RCAN2: variants seen among roughly 807,000 people sequenced by gnomAD.
RCAN2 encodes regulator of calcineurin 2, also known as calcipressin-2.
Under a neutral mutation model 23.6 loss-of-function variants are expected in RCAN2, and 9 were observed. The ratio of observed to expected loss-of-function variants is 0.38; its 90% confidence interval spans 0.23 to 0.67. RCAN2 has a LOEUF of 0.67. RCAN2 is among the 30% of genes least tolerant of loss of function. The probability of loss-of-function intolerance (pLI) is 0.51; values close to 1 mark genes in which losing one functional copy is unlikely to be tolerated. For missense variants in RCAN2, 273 were observed against 302.3 expected (o/e 0.90, Z 0.72); for synonymous variants, 109 against 115.7 (o/e 0.94, Z 0.37).
At chr6:46,394,201 A>G (rs907205137) in intron 2 of RCAN2, among the ~76,000 whole-genome samples, 6 of 152,186 alleles carry the variant, frequency 3.9e-5, no homozygotes, top group Non-Finnish European at 7.3e-5. Flanking sequence ...ATTAACAGTG[A>G]TCAGATTTAA....
chr6:46,373,219 A>G (rs1373188755), intron 2 of RCAN2, among the ~76,000 whole-genome samples: 1 of 152,200 alleles, frequency 6.6e-6, no homozygotes, highest in African/African-American at 2.4e-5. Context: ...GTCAAGAAAC[A>G]TAAATGTGAG....
intron 1 of RCAN2, among the ~76,000 whole-genome samples, chr6:46,462,980 A>G (rs1010746968): frequency 3.3e-5 from 5 of 152,238 alleles, no homozygotes; most frequent in Admixed American, 1.3e-4. Flanking sequence ...AAATAAGTCC[A>G]TGAGAACAAC....
chr6:46,245,523 G>A (rs1159894246), intron 4 of RCAN2, among the ~76,000 whole-genome samples: 1 of 152,094 alleles, frequency 6.6e-6, no homozygotes, highest in Non-Finnish European at 1.5e-5. Context: ...GGGTTCTCAG[G>A]TTTTGGCGTA....
chr6:46,338,673 C>G (rs1465834152), intron 2 of RCAN2, among the ~76,000 whole-genome samples: 1 of 152,130 alleles, frequency 6.6e-6, no homozygotes, highest in Non-Finnish European at 1.5e-5. Flanking sequence ...TGAACTAGTT[C>G]TGTGAATTAT....
intron 1 of RCAN2, among the ~76,000 whole-genome samples, chr6:46,489,624 T>C (rs1769085590): frequency 6.6e-6 from 1 of 152,260 alleles, no homozygotes; most frequent in South Asian, 2.1e-4. Context: ...CTTCTGTCTG[T>C]TACACGTTCA....
chr6:46,407,363 G>C (rs1336930578), intron 2 of RCAN2, among the ~76,000 whole-genome samples: 2 of 152,128 alleles, frequency 1.3e-5, no homozygotes, highest in African/African-American at 2.4e-5. Flanking sequence ...CTCATACAAA[G>C]ATCTTAGCAA....
Position 46,285,027 on chromosome 6 carries a change from T to C in RCAN2, c.226-36131A>G, listed in dbSNP as rs150261089. On this transcript the variant is annotated intron_variant, in intron 2 of 4. Transcript: ENST00000371374. ...AGCATTTGATTATACACTATCTATATATACCATCTATTTGTTGATCTATAC... is the reference window on the plus strand; with the variant it reads ...AGCATTTGATTATACACTATCTATACATACCATCTATTTGTTGATCTATAC... 1.9e-3 allele frequency among the ~76,000 whole-genome samples: 286 copies of C among 152,350 alleles called. 4 individuals are homozygous for C. Among genetic ancestry groups the C allele is most frequent in the Admixed American group, 0.016 (246 of 15,304 alleles).
chr6:46,455,486 G>A (rs1294551919), intron 2 of RCAN2, among the ~76,000 whole-genome samples: 1 of 151,912 alleles, frequency 6.6e-6, no homozygotes, highest in African/African-American at 2.4e-5. Context: ...TGGGCAGAAA[G>A]AGCTAAAGTC....
intron 2 of RCAN2, among the ~76,000 whole-genome samples, chr6:46,249,672 A>G (rs9463190): frequency 0.019 from 2,967 of 152,240 alleles, 96 homozygotes; most frequent in African/African-American, 0.068. Context: ...CACTCCATCC[A>G]GTTTCCTAGT....
chr6:46,471,713 G>C (rs547299170), intron 1 of RCAN2, among the ~76,000 whole-genome samples: 1 of 152,296 alleles, frequency 6.6e-6, no homozygotes, highest in East Asian at 1.9e-4. Context: ...GTCTGAATGA[G>C]TGAGTTTAGT....
intron 2 of RCAN2, among the ~76,000 whole-genome samples, chr6:46,393,491 G>A (rs1486723295): frequency 6.6e-6 from 1 of 152,126 alleles, no homozygotes; most frequent in African/African-American, 2.4e-5. Context: ...GGGAAACGGT[G>A]GGATGAGGGG....
chr6:46,328,812 T>C (rs570643717), intron 2 of RCAN2, among the ~76,000 whole-genome samples: 3 of 152,224 alleles, frequency 2.0e-5, no homozygotes, highest in African/African-American at 7.2e-5. Flanking sequence ...GGTTTCACCA[T>C]GTTGGCCAGG....
At chr6:46,457,063 G>A in intron 1 of RCAN2, 85 bp from the exon 2 acceptor site, 2 of 875,142 alleles carry the variant, frequency 2.3e-6, no homozygotes, top group Non-Finnish European at 3.6e-6. Context: ...TATTGTCAGG[G>A]GCAGAACAGT....
At chr6:46,400,810 T>C (rs1428793582) in intron 2 of RCAN2, among the ~76,000 whole-genome samples, 1 of 152,216 alleles carries the variant, frequency 6.6e-6, no homozygotes, top group East Asian at 1.9e-4. Context: ...CTAACATTTG[T>C]AAGAAAAGAA....
rs73453097 is a variant in RCAN2, at chr6:46,394,796, A to C, written c.225+61956T>G. On this transcript the variant is annotated intron_variant, in intron 2 of 4. Transcript: ENST00000371374. The stretch of plus-strand genomic sequence containing the variant: ...GTATGGGAATCAAGGCAAAGAAAGA[A>C]GACCAATACACAGGCTATTGAAATA... Among the ~76,000 whole-genome samples the C allele has an allele frequency of 3.1e-3, 465 of 152,336 alleles. 4 individuals are homozygous for C. Among genetic ancestry groups the C allele is most frequent in the African/African-American group, 0.011 (452 of 41,570 alleles).
chr6:46,240,905 G>C (rs1766282289), intron 4 of RCAN2, among the ~76,000 whole-genome samples: 1 of 152,156 alleles, frequency 6.6e-6, no homozygotes, highest in African/African-American at 2.4e-5. Flanking sequence ...GCAGACACAT[G>C]CAACTTGAAA....
At chr6:46,272,328 G>T (rs368425200) in intron 2 of RCAN2, among the ~76,000 whole-genome samples, 1 of 152,144 alleles carries the variant, frequency 6.6e-6, no homozygotes, top group Admixed American at 6.5e-5. Flanking sequence ...ACCTTCAGCC[G>T]AGTGAAACCG....
rs542186200 is a variant in RCAN2, at chr6:46,467,842, C to T, written c.-2-10864G>A. 3.9e-5 allele frequency among the ~76,000 whole-genome samples: 6 copies of T among 152,314 alleles called. No individual in the cohort carries two copies. The East Asian group carries it at 5.8e-4, about 15-fold the overall frequency. ...CTCTTCGGAAGAGACTGTACCTCCA[C>T]AGTGAAAAAATGCAAGAACACTGAA... is the stretch of plus-strand genomic sequence containing the variant. On this transcript the variant is annotated intron_variant, in intron 1 of 4. Transcript: ENST00000371374.
At chr6:46,422,779 G>A (rs1766919818) in intron 2 of RCAN2, among the ~76,000 whole-genome samples, 1 of 152,114 alleles carries the variant, frequency 6.6e-6, no homozygotes, top group Non-Finnish European at 1.5e-5. Context: ...GTTCAGGCTG[G>A]GTGCCTATCT....
Sources: allele counts gnomAD v4.1 joint callset (sites outside exome capture counted in the v4.1 genomes callset), GRCh38; gene constraint gnomAD v4.1.1; transcripts MANE v1.5; gene names NCBI Gene and HGNC (gene_info 2026-07-23, HGNC 2026-07-21).